The following ZFHX3 variants were observed in gnomAD, a reference collection of about 807,000 sequenced individuals.
ZFHX3 encodes the protein zinc finger homeobox 3.
Under a neutral mutation model 279.1 loss-of-function variants are expected in ZFHX3, and 42 were observed. That is an observed-to-expected ratio of 0.15 (90% CI 0.12 to 0.19). The LOEUF (loss-of-function observed/expected upper bound fraction) is 0.19. ZFHX3 is among the 10% of genes least tolerant of loss of function. ZFHX3 has a pLI of 1.00. For synonymous variants in ZFHX3, 2,293 were observed against 1,957.8 expected (o/e 1.17, Z -4.52); for missense variants, 4,981 against 4,754.0 (o/e 1.05, Z -1.40).
At chr16:73,506,218 C>T (rs2019323763) in intron 2 of ZFHX3, among the ~76,000 whole-genome samples, 1 of 152,176 alleles carries the variant, frequency 6.6e-6, no homozygotes, top group Non-Finnish European at 1.5e-5. Context: ...AGATTTTTAA[C>T]AGCAAGTTTA....
chr16:73,539,322 C>T (rs966865461), intron 2 of ZFHX3, among the ~76,000 whole-genome samples: 14 of 151,232 alleles, frequency 9.3e-5, no homozygotes, highest in Non-Finnish European at 1.6e-4. Context: ...ACTGATTTTA[C>T]GCGCCCACCC....
intron 2 of ZFHX3, among the ~76,000 whole-genome samples, chr16:73,456,868 G>A (rs2018381190): frequency 6.6e-6 from 1 of 152,156 alleles, no homozygotes; most frequent in Admixed American, 6.5e-5. Context: ...ATTCTCTGCT[G>A]GCCTCCCCTT....
chr16:72,894,946 C>G (rs1455698797), intron 3 of ZFHX3, among the ~76,000 whole-genome samples: 2 of 152,238 alleles, frequency 1.3e-5, no homozygotes, highest in Non-Finnish European at 2.9e-5. Context: ...TACCTACTCT[C>G]CTTTGTTGGG....
At chr16:73,258,126 C>T (rs1336702031) in intron 4 of ZFHX3, among the ~76,000 whole-genome samples, 2 of 151,964 alleles carry the variant, frequency 1.3e-5, no homozygotes, top group Non-Finnish European at 2.9e-5. Context: ...GGGCATTGTG[C>T]CAGGGTTTAA....
intron 3 of ZFHX3, among the ~76,000 whole-genome samples, chr16:73,345,360 A>C (rs2016104077): frequency 6.6e-6 from 1 of 151,978 alleles, no homozygotes; most frequent in Non-Finnish European, 1.5e-5. Flanking sequence ...CCCAGCATGC[A>C]TCAGTTATTT....
At chr16:73,287,954 G>A (rs1597263994) in intron 4 of ZFHX3, among the ~76,000 whole-genome samples, 2 of 152,194 alleles carry the variant, frequency 1.3e-5, no homozygotes, top group East Asian at 1.9e-4. Context: ...CATTCAGGAG[G>A]AGCCCTCCTC....
chr16:73,066,228 G>T (rs974142103), intron 8 of ZFHX3, among the ~76,000 whole-genome samples: 1 of 152,182 alleles, frequency 6.6e-6, no homozygotes, highest in Non-Finnish European at 1.5e-5. Context: ...AGGCCCGGGC[G>T]TGAGACGCGC....
intron 1 of ZFHX3, among the ~76,000 whole-genome samples, chr16:73,796,930 A>C (rs564941022): frequency 5.5e-4 from 84 of 152,278 alleles, no homozygotes; most frequent in Non-Finnish European, 5.6e-4. Context: ...GGCTGAGTGC[A>C]GTGGCTCACG....
chr16:72,948,697 A>G (rs1960828058), intron 3 of ZFHX3, among the ~76,000 whole-genome samples: 1 of 152,242 alleles, frequency 6.6e-6, no homozygotes, highest in Non-Finnish European at 1.5e-5. Context: ...GCAAGAGGCC[A>G]GCTTCATGCC....
intron 1 of ZFHX3, among the ~76,000 whole-genome samples, chr16:73,784,796 A>ATATATAT (rs1555501448): frequency 2.1e-4 from 27 of 131,106 alleles, no homozygotes; most frequent in Non-Finnish European, 3.0e-4. Context: ...TAAAAAAAAA[A>ATATATAT]ATATATATAT....
chr16:73,061,627 A>G (rs1461690842), upstream of ZFHX3: 2 of 152,048 alleles, frequency 1.3e-5, no homozygotes, highest in Admixed American at 6.6e-5. Flanking sequence ...GAATTTTTCC[A>G]TAATACATCA....
chr16:72,949,965 G>T (rs566063781), intron 3 of ZFHX3, among the ~76,000 whole-genome samples: 1 of 128,960 alleles, frequency 7.8e-6, no homozygotes, highest in African/African-American at 3.0e-5. Flanking sequence ...CAAATGCCCA[G>T]AACAGTACCT....
chr16:73,368,116 C>T (rs905762858), intron 3 of ZFHX3, among the ~76,000 whole-genome samples: 6 of 152,168 alleles, frequency 3.9e-5, no homozygotes, highest in African/African-American at 1.2e-4. Flanking sequence ...AGTGATCCAC[C>T]CGCCTTGGCC....
At position 73,021,440 on chromosome 16, in the gene ZFHX3, T is replaced by C. The variant is rs113892213; in HGVS notation, c.-50+26312A>G. Among the ~76,000 whole-genome samples, 1,291 of 152,312 alleles carry C rather than the reference T, an allele frequency of 8.5e-3. 12 individuals carry two copies. The highest frequency in any genetic ancestry group is 0.015 in the Non-Finnish European group (1,016 of 68,026). The stretch of plus-strand genomic sequence containing the variant: ...AATAGCATCCCTCCTAGAACTCATG[T>C]CTACCAAGAACCTCAGAACATGGCC... On this transcript the variant is annotated intron_variant, in intron 1 of 9. Coordinates refer to ENST00000268489, the MANE Select transcript of ZFHX3 (RefSeq NM_006885.4).
intron 3 of ZFHX3, among the ~76,000 whole-genome samples, chr16:72,936,874 G>C (rs1960152447): frequency 6.6e-6 from 1 of 152,162 alleles, no homozygotes; most frequent in South Asian, 2.1e-4. Flanking sequence ...TAGAGGCGGG[G>C]GAGAGTTGAA....
chr16:73,320,088 G>A (rs4888531), intron 3 of ZFHX3, among the ~76,000 whole-genome samples: 2,400 of 152,248 alleles, frequency 0.016, 51 homozygotes, highest in Admixed American at 0.069. Flanking sequence ...AAAGGTTGGA[G>A]GTCTGGAAGA....
At chr16:72,989,759 C>T (rs2144565374) in intron 1 of ZFHX3, among the ~76,000 whole-genome samples, 1 of 152,334 alleles carries the variant, frequency 6.6e-6, no homozygotes, top group African/African-American at 2.4e-5. Flanking sequence ...TTGCCAAAAG[C>T]TGAGTAATCC....
chr16:73,054,903 TAAGATA>T (rs1724484233), intron 1 of ZFHX3, among the ~76,000 whole-genome samples: 2 of 152,080 alleles, frequency 1.3e-5, no homozygotes, highest in South Asian at 4.1e-4. Flanking sequence ...TCTCTCTCTC[TAAGATA>T]AAGGGGAAAA....
chr16:73,741,219 C>G (rs2053655149), intron 1 of ZFHX3, among the ~76,000 whole-genome samples: 1 of 151,862 alleles, frequency 6.6e-6, no homozygotes, highest in Non-Finnish European at 1.5e-5. Context: ...AATGGGCCAC[C>G]TTTTATAATA....
Sources: allele counts gnomAD v4.1 joint callset (sites outside exome capture counted in the v4.1 genomes callset), GRCh38; gene constraint gnomAD v4.1.1; transcripts MANE v1.5; gene names NCBI Gene and HGNC (gene_info 2026-07-23, HGNC 2026-07-21).